The following LARP1 variants were observed in gnomAD, a reference collection of about 807,000 sequenced individuals.
LARP1 encodes La ribonucleoprotein 1, translational regulator.
In LARP1, 36 loss-of-function variants were observed where a neutral mutation model predicts 122.7. That is an observed-to-expected ratio of 0.29 (90% CI 0.22 to 0.39). LARP1 has a LOEUF of 0.39. Among genes scored for constraint, LARP1 ranks in the 10% least tolerant of loss-of-function variants. LARP1 has a pLI of 1.00. For synonymous variants in LARP1, 539 were observed against 528.7 expected, an observed-to-expected ratio of 1.02 and a Z score of -0.27; for missense variants, 1,040 against 1,403.6, an observed-to-expected ratio of 0.74 and a Z score of 4.14.
chr5:154,757,646 A>T (rs1174548440), intron 1 of LARP1, among the ~76,000 whole-genome samples: 1 of 152,130 alleles, frequency 6.6e-6, no homozygotes, highest in African/African-American at 2.4e-5. Context: ...GAGTAGAAGC[A>T]CTGCTAGTCC....
intron 1 of LARP1, among the ~76,000 whole-genome samples, chr5:154,774,503 G>C (rs1459922201): frequency 1.3e-5 from 2 of 152,200 alleles, no homozygotes; most frequent in Non-Finnish European, 2.9e-5. Context: ...GGAGTCTAAG[G>C]CACCATCTTT....
chr5:154,714,491 C>T (rs1486064915), intron 1 of LARP1, among the ~76,000 whole-genome samples: 1 of 152,166 alleles, frequency 6.6e-6, no homozygotes, highest in African/African-American at 2.4e-5. Flanking sequence ...TGGAATGTGG[C>T]CCCATTGGAA....
intron 1 of LARP1, among the ~76,000 whole-genome samples, chr5:154,768,103 A>T (rs1234832320): frequency 6.6e-6 from 1 of 152,124 alleles, no homozygotes; most frequent in Non-Finnish European, 1.5e-5. Context: ...CAGGTGAGAG[A>T]TGAAGGGTTA....
chr5:154,782,922 C>G (rs1360847831), intron 1 of LARP1, among the ~76,000 whole-genome samples: 2 of 152,138 alleles, frequency 1.3e-5, no homozygotes, highest in Non-Finnish European at 2.9e-5. Context: ...GGAGGAAAGG[C>G]CTGTGGGTCT....
chr5:154,778,531 T>C lies in LARP1; in HGVS notation c.437-11794T>C, dbSNP rs368595488. On this transcript the variant is annotated intron_variant, in intron 1 of 18. Coordinates refer to ENST00000518297, the MANE Select transcript of LARP1 (RefSeq NM_033551.3). ...TTCGAATGCATGCCAAAAATCTTAA[T>C]AGCTTATCCTGGAAAGCCGGCTGCA... is the stretch of plus-strand genomic sequence containing the variant. Among the ~76,000 whole-genome samples, 547 of 152,262 alleles carry C rather than the reference T, an allele frequency of 3.6e-3. 5 individuals are homozygous for C. Among genetic ancestry groups the C allele is most frequent in the South Asian group, 0.035 (170 of 4,824 alleles).
chr5:154,782,252 T>C (rs1245436533), intron 1 of LARP1, among the ~76,000 whole-genome samples: 1 of 152,204 alleles, frequency 6.6e-6, no homozygotes, highest in Non-Finnish European at 1.5e-5. Flanking sequence ...GTGATTATTA[T>C]TACTGTTCTA....
In LARP1 at chr5:154,755,433, G is replaced by A. The variant is rs1582292806; in HGVS notation, c.-325G>A. On this transcript the variant is annotated 5_prime_UTR_variant, in exon 1 of 19. Coordinates refer to ENST00000518297, the MANE Select transcript of LARP1 (RefSeq NM_033551.3). ...GCCCGGGCCGCCCCGGGGGCGGGGG[G>A]GAGGGAGGGACGGGACTAGAAGCCT... 1 of 498,126 alleles carries A rather than the reference G, an allele frequency of 2.0e-6. No individual in the cohort carries two copies. The highest frequency in any genetic ancestry group is 2.6e-6 in the Non-Finnish European group (1 of 384,468). The allele number at this position is 498,126 out of a possible 1,614,324, so 30.9% of individuals were successfully genotyped here.
chr5:154,767,013 A>G (rs1755009296), intron 1 of LARP1, among the ~76,000 whole-genome samples: 1 of 152,210 alleles, frequency 6.6e-6, no homozygotes. Context: ...ATTCCAGTCA[A>G]TTCAAAGTGA....
At chr5:154,793,079 A>T (rs1757463079) in intron 4 of LARP1, among the ~76,000 whole-genome samples, 1 of 152,232 alleles carries the variant, frequency 6.6e-6, no homozygotes, top group South Asian at 2.1e-4. Context: ...AGCTTGGTGT[A>T]AATACACCAG....
rs1360017238 is a variant in LARP1, at chr5:154,814,014, C to G, written c.3209C>G (p.Pro1070Arg). 7 of 1,613,964 alleles carry G rather than the reference C, an allele frequency of 4.3e-6. No homozygotes were observed. Among genetic ancestry groups the G allele is most frequent in the Non-Finnish European group, 5.9e-6 (7 of 1,180,002 alleles). ...CCTGCTGCCATGATCAGCCAACCCC[C>G]TACACCACCCACCGGCCAGCCTGTC... Reference protein sequence around the residue: ...SRPAAMISQPPTPPTGQPVRE... With the variant: ...SRPAAMISQPRTPPTGQPVRE... The change falls in exon 19 of 19, where the codon CCT becomes CGT. Residue 1070 changes from proline to arginine, a missense_variant. Transcript: ENST00000518297.
intron 1 of LARP1, among the ~76,000 whole-genome samples, chr5:154,774,444 A>G (rs548953258): frequency 1.4e-4 from 22 of 152,284 alleles, no homozygotes; most frequent in Admixed American, 8.5e-4. Context: ...CTGGGAGCCA[A>G]ATTCCCTCGA....
chr5:154,775,557 G>C (rs988887549), intron 1 of LARP1, among the ~76,000 whole-genome samples: 12 of 151,512 alleles, frequency 7.9e-5, no homozygotes, highest in South Asian at 6.3e-4. Flanking sequence ...AGGCCTTCAG[G>C]TTGCAGATGG....
At chr5:154,769,897 T>C (rs761337642) in intron 1 of LARP1, among the ~76,000 whole-genome samples, 4 of 152,164 alleles carry the variant, frequency 2.6e-5, no homozygotes, top group Non-Finnish European at 5.9e-5. Flanking sequence ...CCTTCTAACC[T>C]GGAGGAATAA....
upstream of LARP1, among the ~76,000 whole-genome samples, chr5:154,711,307 T>C (rs1755209248): frequency 6.6e-6 from 1 of 151,848 alleles, no homozygotes; most frequent in Admixed American, 6.6e-5. Flanking sequence ...ACACCTGGCT[T>C]ATTTTTGTAT....
rs1229638713 is a variant in LARP1 at position 154,803,859 on chromosome 5, G to T, written c.2439+114G>T. 1.8e-6 allele frequency: 2 copies of T among 1,103,508 alleles called. No individual in the cohort carries two copies. Among genetic ancestry groups the T allele is most frequent in the Admixed American group, 4.0e-5 (2 of 49,760 alleles). The allele number at this position is 1,103,508 out of a possible 1,614,324, so 68.4% of individuals were successfully genotyped here. On this transcript the variant is annotated intron_variant, in intron 13 of 18. Coordinates refer to ENST00000518297, the MANE Select transcript of LARP1 (RefSeq NM_033551.3). The surrounding 1 kb of genome is among the most constrained non-coding windows in gnomAD (Gnocchi z 4.4). Reference sequence around the variant, plus strand: ...TAAGGAAGTGCTAAATCCTTCACCTGCTCTGTGTTCTGAGGCTGGTGGGCT... The same window carrying T: ...TAAGGAAGTGCTAAATCCTTCACCTTCTCTGTGTTCTGAGGCTGGTGGGCT...
At chr5:154,798,249 C>A (rs1470703240) in intron 8 of LARP1, among the ~76,000 whole-genome samples, 3 of 152,190 alleles carry the variant, frequency 2.0e-5, no homozygotes, top group Admixed American at 2.0e-4. Context: ...CTGTCACTTA[C>A]ACCCTTTCTT....
At chr5:154,699,878 C>G (rs1366175804) in intron 1 of LARP1, among the ~76,000 whole-genome samples, 1 of 152,322 alleles carries the variant, frequency 6.6e-6, no homozygotes, top group South Asian at 2.1e-4. Flanking sequence ...CCCTGTCCCT[C>G]CTATGCAAGT....
intron 8 of LARP1, 27 bp downstream of exon 8, chr5:154,795,346 T>C: frequency 6.2e-7 from 1 of 1,609,630 alleles, no homozygotes. Flanking sequence ...GGAGCTGGGA[T>C]GCAGGGGAAA....
At chr5:154,756,215 C>A in intron 1 of LARP1, 22 bp downstream of exon 1, 1 of 1,238,846 alleles carries the variant, frequency 8.1e-7, no homozygotes. Context: ...TCCTTGCCCT[C>A]CTGGGTCCGG....
Sources: allele counts gnomAD v4.1 joint callset (sites outside exome capture counted in the v4.1 genomes callset), GRCh38; gene constraint gnomAD v4.1.1; non-coding constraint Gnocchi (gnomAD v3.1); transcripts MANE v1.5; gene names NCBI Gene and HGNC (gene_info 2026-07-23, HGNC 2026-07-21).